SLC22A13: variants seen among roughly 807,000 people sequenced by gnomAD.
The protein encoded by SLC22A13 is solute carrier family 22 member 13.
In SLC22A13, 42 loss-of-function variants were observed where a neutral mutation model predicts 49.1. The ratio of observed to expected loss-of-function variants is 0.85; its 90% confidence interval spans 0.67 to 1.11. SLC22A13 has a LOEUF of 1.11. Among genes scored for constraint, SLC22A13 ranks in the 50% least tolerant of loss-of-function variants. SLC22A13 has a pLI of 0.00. For synonymous variants in SLC22A13, 282 were observed against 293.1 expected (o/e 0.96, Z 0.39); for missense variants, 694 against 712.8 (o/e 0.97, Z 0.30).
chr3:38,274,495 A>C lies in SLC22A13; in HGVS notation c.483-109A>C, dbSNP rs564436168. Reference sequence around the variant, plus strand: ...GCAAGGCCCTCTTCCCCCTACCCTCAAATGGGGCTCAGACAGAGACCCCAG... The same window carrying C: ...GCAAGGCCCTCTTCCCCCTACCCTCCAATGGGGCTCAGACAGAGACCCCAG... On this transcript the variant is annotated intron_variant, in intron 2 of 9. Coordinates refer to ENST00000311856, the MANE Select transcript of SLC22A13 (RefSeq NM_004256.4). 1.2e-5 allele frequency: 17 copies of C among 1,459,228 alleles called. No individual in the cohort carries two copies. In the African/African-American group the frequency reaches 1.4e-4, roughly 12 times the overall value. The allele number at this position is 1,459,228 out of a possible 1,614,324, so 90.4% of individuals were successfully genotyped here.
At chr3:38,276,734 G>T (rs1255529440) in intron 8 of SLC22A13, among the ~76,000 whole-genome samples, 178 bp from the exon 9 acceptor site, 1 of 152,304 alleles carries the variant, frequency 6.6e-6, no homozygotes, top group Admixed American at 6.5e-5. Context: ...CAGGGGTGTA[G>T]CAGGCAGGGA....
In SLC22A13 at chr3:38,274,585, ACCTGC is replaced by A; in HGVS notation, c.483-14_483-10del. Reference sequence around the variant, plus strand: ...CTTCCGGGAGGGACCCTCCCCACAGACCTGCCCTGTTTCCTCAGGATTGGCCGCAA... The same window carrying A: ...CTTCCGGGAGGGACCCTCCCCACAGACCTGTTTCCTCAGGATTGGCCGCAA... On this transcript the variant is annotated splice_polypyrimidine_tract_variant and intron_variant, in intron 2 of 9. Coordinates refer to ENST00000311856, the MANE Select transcript of SLC22A13 (RefSeq NM_004256.4). 1 of 1,611,304 alleles carries A rather than the reference ACCTGC, an allele frequency of 6.2e-7. No individual in the cohort carries two copies. Among genetic ancestry groups the A allele is most frequent in the Non-Finnish European group, 8.5e-7 (1 of 1,178,810 alleles).
intron 1 of SLC22A13, among the ~76,000 whole-genome samples, chr3:38,271,151 T>C (rs929764723): frequency 1.3e-5 from 2 of 152,248 alleles, no homozygotes; most frequent in African/African-American, 2.4e-5. Flanking sequence ...TAAACTTAAA[T>C]GCAAACAATA....
intron 1 of SLC22A13, among the ~76,000 whole-genome samples, chr3:38,270,092 C>G (rs1703504578): frequency 6.6e-6 from 1 of 151,990 alleles, no homozygotes; most frequent in Non-Finnish European, 1.5e-5. Context: ...GTATATGTGC[C>G]ACATTTTCTT....
intron 7 of SLC22A13, 77 bp downstream of exon 7, chr3:38,276,173 T>C: frequency 6.6e-7 from 1 of 1,513,564 alleles, no homozygotes; most frequent in Non-Finnish European, 9.1e-7. Flanking sequence ...TGGCCATTGT[T>C]CTGCTTCCAG....
chr3:38,274,579 C>T (rs922839660), intron 2 of SLC22A13, 25 bp from the exon 3 acceptor site: 4 of 1,609,338 alleles, frequency 2.5e-6, no homozygotes, highest in Non-Finnish European at 3.4e-6. Flanking sequence ...GGGACCCTCC[C>T]CACAGACCTG....
chr3:38,274,774 C>CT lies in SLC22A13; in HGVS notation c.637+17dup. On this transcript the variant is annotated intron_variant, in intron 3 of 9. Coordinates refer to ENST00000311856, the MANE Select transcript of SLC22A13 (RefSeq NM_004256.4). ...GTCACCCTACGTGAGTGTCTGGGCC[C>CT]TGGAGCCTTCAGCCATAGGGTGAGG... 1 of 1,609,102 alleles carries CT rather than the reference C, an allele frequency of 6.2e-7. No individual in the cohort carries two copies. Among genetic ancestry groups the CT allele is most frequent in the Non-Finnish European group, 8.5e-7 (1 of 1,177,152 alleles).
chr3:38,274,452 C>G (rs757675317), intron 2 of SLC22A13, 77 bp downstream of exon 2: 5 of 1,444,196 alleles, frequency 3.5e-6, no homozygotes, highest in African/African-American at 1.4e-5. Flanking sequence ...CCCTTATGCC[C>G]CTTACACTGG....
rs1164800979 is a variant in SLC22A13, at chr3:38,277,404, C to CA, written c.1596dup (p.Glu533ArgfsTer127). On this transcript the variant is annotated frameshift_variant, in exon 10 of 10. Transcript: ENST00000311856. LOFTEE classifies it low-confidence loss of function (END_TRUNC). ...AAATCAGTGCCCTCAGAGAAGGAAA[C>CA]AGAGGCCAAGGGAAGAACTTCCAGC... 5 of 1,614,032 alleles carry CA rather than the reference C, an allele frequency of 3.1e-6. No homozygotes were observed. In the African/African-American group the frequency reaches 6.7e-5, roughly 22 times the overall value.
At position 38,266,072 on chromosome 3, in the gene SLC22A13, G is replaced by GCGCA. The variant is rs1413506989; in HGVS notation, c.214_215insCACG (p.Val72AlafsTer35). The GCGCA allele has an allele frequency of 6.2e-7, 1 of 1,614,154 alleles. No homozygotes were observed. Among genetic ancestry groups the GCGCA allele is most frequent in the Non-Finnish European group, 8.5e-7 (1 of 1,180,028 alleles). On this transcript the variant is annotated frameshift_variant, in exon 1 of 10. Coordinates refer to ENST00000311856, the MANE Select transcript of SLC22A13 (RefSeq NM_004256.4). LOFTEE classifies it high-confidence loss of function. The stretch of plus-strand genomic sequence containing the variant: ...AGTGCTGCTGAACAGCTGGTACTGA[G>GCGCA]CGTGCCCCTGGACACTGCAGGTCAC...
At chr3:38,267,027 T>A (rs1013295418) in intron 1 of SLC22A13, among the ~76,000 whole-genome samples, 1 of 152,144 alleles carries the variant, frequency 6.6e-6, no homozygotes, top group African/African-American at 2.4e-5. Context: ...CTGTCTAGAT[T>A]CCCACAGGAG....
chr3:38,275,842 C>A, intron 6 of SLC22A13, 40 bp from the exon 7 acceptor site: 1 of 1,579,318 alleles, frequency 6.3e-7, no homozygotes, highest in South Asian at 1.1e-5. Flanking sequence ...GGTGGTGTCT[C>A]GTCACCCAGC....
chr3:38,275,794 C>A (rs1409749731), intron 6 of SLC22A13, 88 bp from the exon 7 acceptor site: 1 of 1,487,650 alleles, frequency 6.7e-7, no homozygotes, highest in African/African-American at 1.4e-5. Context: ...GCCAGTGTCC[C>A]CTGCTGTGAC....
At position 38,276,909 on chromosome 3, in the gene SLC22A13, C is replaced by G. The variant is rs1216453376; in HGVS notation, c.1347-3C>G. 7.4e-6 allele frequency: 12 copies of G among 1,612,848 alleles called. No individual in the cohort carries two copies. The highest frequency in any genetic ancestry group is 1.0e-5 in the Non-Finnish European group (12 of 1,179,446). On this transcript the variant is annotated splice_polypyrimidine_tract_variant and splice_region_variant and intron_variant, in intron 8 of 9. Transcript: ENST00000311856. ...TACTTAGCTTGCCCTGGTCTTCCCC[C>G]AGGCAGACAGGCATGGGGCTGGTGG... is the stretch of plus-strand genomic sequence containing the variant.
chr3:38,272,997 G>A (rs1703537278), intron 1 of SLC22A13, among the ~76,000 whole-genome samples: 2 of 152,306 alleles, frequency 1.3e-5, no homozygotes, highest in Admixed American at 1.3e-4. Flanking sequence ...TTGATAATAA[G>A]TGAAGGATTA....
Position 38,266,219 on chromosome 3 carries a change from T to G in SLC22A13, c.359T>G (p.Leu120Arg). 6.2e-7 allele frequency: 1 copy of G among 1,613,912 alleles called. No homozygotes were observed. Among genetic ancestry groups the G allele is most frequent in the Non-Finnish European group, 8.5e-7 (1 of 1,179,818 alleles). Residue 120 changes from leucine to arginine, a missense_variant, in exon 1 of 10, where the codon CTC becomes CGC. Leu to Arg is a moderately radical substitution (Grantham distance 102). Coordinates refer to ENST00000311856, the MANE Select transcript of SLC22A13 (RefSeq NM_004256.4). ...GGCTGGGAATATCCTGAGAACAGGCTCCCATCCCTGAAGAATGAGGTAGGC... is the reference window on the plus strand; with the variant it reads ...GGCTGGGAATATCCTGAGAACAGGCGCCCATCCCTGAAGAATGAGGTAGGC... ...DMGWEYPENRLPSLKNEFNLV... is the reference protein window; with the variant it reads ...DMGWEYPENRRPSLKNEFNLV...
chr3:38,266,538 C>T lies in SLC22A13; in HGVS notation c.378+300C>T, dbSNP rs180741881. On this transcript the variant is annotated intron_variant, in intron 1 of 9. Coordinates refer to ENST00000311856, the MANE Select transcript of SLC22A13 (RefSeq NM_004256.4). ...ATCTACCCAGTTGGTGTCCTCTCCT[C>T]TTTTCCTATCTTTGTGCCTTTCTCT... is the stretch of plus-strand genomic sequence containing the variant. 2.6e-3 allele frequency among the ~76,000 whole-genome samples: 395 copies of T among 152,300 alleles called. 9 individuals carry two copies. Among genetic ancestry groups the T allele is most frequent in the Admixed American group, 0.021 (328 of 15,296 alleles).
At chr3:38,276,550 A>G (rs1703586685) in intron 8 of SLC22A13, among the ~76,000 whole-genome samples, 155 bp downstream of exon 8, 1 of 152,202 alleles carries the variant, frequency 6.6e-6, no homozygotes, top group East Asian at 1.9e-4. Context: ...ATCTAGCCCA[A>G]GCCCTCAAGT....
chr3:38,277,261 C>A, intron 9 of SLC22A13, 111 bp from the exon 10 acceptor site: 2 of 1,119,320 alleles, frequency 1.8e-6, no homozygotes, highest in Non-Finnish European at 2.6e-6. Flanking sequence ...GAACCACAGA[C>A]ATCTGGCTGG....
Sources: allele counts gnomAD v4.1 joint callset (sites outside exome capture counted in the v4.1 genomes callset), GRCh38; gene constraint gnomAD v4.1.1; transcripts MANE v1.5; gene names NCBI Gene and HGNC (gene_info 2026-07-23, HGNC 2026-07-21).